The following CACNA1G variants were observed in gnomAD, a reference collection of about 807,000 sequenced individuals.
CACNA1G encodes the protein voltage-dependent T-type calcium channel subunit alpha-1G.
A neutral mutation model predicts 219.4 loss-of-function variants in CACNA1G; 67 were observed. The ratio of observed to expected loss-of-function variants is 0.31; its 90% confidence interval spans 0.25 to 0.37. The LOEUF is 0.37. CACNA1G is among the 10% of genes least tolerant of loss of function. The pLI, the probability that CACNA1G is intolerant of heterozygous loss-of-function variation, is 1.00. For synonymous variants in CACNA1G, 1,296 were observed against 1,345.3 expected (o/e 0.96, Z 0.80); for missense variants, 2,380 against 3,231.4 (o/e 0.74, Z 6.39).
rs748667667 is a variant in CACNA1G, at chr17:50,617,465, G to T, written c.5049G>T (p.Val1683=). ...GGAACCAGCTGGACCTGGCCATTGT[G>T]CTGCTGTCCATCATGGGCATCACGC... The part of the protein sequence containing the change: ...DRWNQLDLAI[V]LLSIMGITLE... The change falls in exon 29 of 38, where the codon GTG becomes GTT. Residue 1683 remains valine, a synonymous_variant. Transcript: ENST00000359106. This position sits in a 1 kb window ranked among gnomAD's most constrained non-coding sequence, Gnocchi z 5.8. The T allele has an allele frequency of 9.9e-6, 16 of 1,613,888 alleles. No homozygotes were observed. In the South Asian group the frequency reaches 1.6e-4, roughly 17 times the overall value.
chr17:50,588,418 G>A (rs1247403602), intron 9 of CACNA1G, among the ~76,000 whole-genome samples: 5 of 53,936 alleles, frequency 9.3e-5, no homozygotes, highest in Non-Finnish European at 1.0e-4. Context: ...AAAACACGGC[G>A]AGTGGCAGAG....
At position 50,561,292 on chromosome 17, in the gene CACNA1G, T is replaced by A. The variant is rs2035520384; in HGVS notation, c.-168T>A. 1.4e-6 allele frequency: 1 copy of A among 735,440 alleles called. No individual in the cohort carries two copies. The highest frequency in any genetic ancestry group is 2.1e-6 in the Non-Finnish European group (1 of 474,518). 45.6% of individuals were successfully genotyped at this position (735,440 alleles called of 1,614,324 possible). On this transcript the variant is annotated 5_prime_UTR_variant, in exon 1 of 38. Transcript: ENST00000359106. Reference sequence around the variant, plus strand: ...CGGCGCCCCGCGGGCAGCATGCCCCTGCGGGCAGGGGGAGCTGGGCTGAAC... The same window carrying A: ...CGGCGCCCCGCGGGCAGCATGCCCCAGCGGGCAGGGGGAGCTGGGCTGAAC...
At chr17:50,605,377 G>A (rs191159594) in intron 22 of CACNA1G, among the ~76,000 whole-genome samples, 70 of 152,224 alleles carry the variant, frequency 4.6e-4, no homozygotes, top group Non-Finnish European at 8.2e-4. Flanking sequence ...CTGAGCCTCC[G>A]TTGTTCTTAT....
intron 26 of CACNA1G, among the ~76,000 whole-genome samples, chr17:50,614,271 C>G (rs563991150): frequency 2.6e-4 from 40 of 152,358 alleles, no homozygotes; most frequent in African/African-American, 9.1e-4. Context: ...CCAGCTACCC[C>G]CTGGCTCAGG....
rs961655809 is a variant in CACNA1G at position 50,599,723 on chromosome 17, G to T, written c.3554G>T (p.Arg1185Leu). 2 of 1,613,418 alleles carry T rather than the reference G, an allele frequency of 1.2e-6. No individual in the cohort carries two copies. Among genetic ancestry groups the T allele is most frequent in the Non-Finnish European group, 1.7e-6 (2 of 1,179,780 alleles). ...PDTLQVPGLH[R>L]TASGRGSASE... ...ACACTGCAGGTGCCAGGGCTGCATC[G>T]CACTGCCAGTGGCCGAGGGTCTGCT... The change falls in exon 17 of 38, where the codon CGC (arginine) becomes CTC (leucine). Residue 1185 changes from arginine (R) to leucine (L), a missense_variant. Around this residue, in one of 17 missense-constraint regions of CACNA1G, gnomAD observed 418 missense variants for 434.3 expected, o/e 0.96. Coordinates refer to ENST00000359106, the MANE Select transcript of CACNA1G (RefSeq NM_018896.5).
chr17:50,596,460 G>C lies in CACNA1G; in HGVS notation c.2980-102G>C. Reference sequence around the variant, plus strand: ...TCGTGCCGTGGTTGCTGGTTCCTGTGGCCTATATGTGGTGTGCGTGTGTGA... The same window carrying C: ...TCGTGCCGTGGTTGCTGGTTCCTGTCGCCTATATGTGGTGTGCGTGTGTGA... On this transcript the variant is annotated intron_variant, in intron 14 of 37. Transcript: ENST00000359106. This position sits in a 1 kb window ranked among gnomAD's most constrained non-coding sequence, Gnocchi z 4.8. The C allele has an allele frequency of 1.1e-6, 1 of 907,352 alleles. No homozygotes were observed. The highest frequency in any genetic ancestry group is 1.8e-6 in the Non-Finnish European group (1 of 556,442). 56.2% of individuals were successfully genotyped at this position (907,352 alleles called of 1,614,324 possible). A position where few individuals can be genotyped will look rare whatever the true frequency, so the allele number is the denominator to read the frequency against.
intron 1 of CACNA1G, among the ~76,000 whole-genome samples, chr17:50,563,423 C>T (rs1169607637): frequency 6.6e-6 from 1 of 152,224 alleles, no homozygotes; most frequent in African/African-American, 2.4e-5. Context: ...TTCCGAGCAA[C>T]TCTCCTCTCT....
intron 23 of CACNA1G, chr17:50,606,255 G>T (rs906647316): frequency 5.5e-6 from 4 of 728,306 alleles, no homozygotes; most frequent in Non-Finnish European, 1.0e-5. Context: ...AGAAACAGAG[G>T]CTCAGAGAGG....
At position 50,596,760 on chromosome 17, in the gene CACNA1G, G is replaced by T; in HGVS notation, c.3095G>T (p.Arg1032Leu). ...TCCCTGGGAGAGCACCCGGAGCTGC[G>T]GAAGAGCCTGCTGCCGCCTCTCATC... ...LVSLGEHPEL[R>L]KSLLPPLIIH... is the part of the protein sequence containing the mutation. Residue 1032 changes from arginine to leucine, a missense_variant, in exon 16 of 38, where the codon CGG (arginine) becomes CTG (leucine). Arg to Leu is a moderately radical substitution (Grantham distance 102, BLOSUM62 -2). Around this residue, in one of 17 missense-constraint regions of CACNA1G, gnomAD observed 418 missense variants for 434.3 expected, o/e 0.96. Coordinates refer to ENST00000359106, the MANE Select transcript of CACNA1G (RefSeq NM_018896.5). This position sits in a 1 kb window ranked among gnomAD's most constrained non-coding sequence, Gnocchi z 4.8. The T allele has an allele frequency of 6.2e-7, 1 of 1,613,054 alleles. No homozygotes were observed. Among genetic ancestry groups the T allele is most frequent in the Non-Finnish European group, 8.5e-7 (1 of 1,179,798 alleles).
At chr17:50,579,721 C>G (rs2041518485) in intron 9 of CACNA1G, among the ~76,000 whole-genome samples, 1 of 152,136 alleles carries the variant, frequency 6.6e-6, no homozygotes, top group Non-Finnish European at 1.5e-5. Flanking sequence ...CCATGCACCT[C>G]CCCACCTCCG....
chr17:50,584,739 G>A (rs1249335743), intron 9 of CACNA1G, among the ~76,000 whole-genome samples: 2 of 143,252 alleles, frequency 1.4e-5, no homozygotes, highest in Non-Finnish European at 2.9e-5. Context: ...GAGGAGGGAC[G>A]TGGAGCCCCC....
At chr17:50,562,600 G>A (rs2036176984) in intron 1 of CACNA1G, among the ~76,000 whole-genome samples, 3 of 152,048 alleles carry the variant, frequency 2.0e-5, no homozygotes, top group Admixed American at 2.0e-4. Context: ...GTGGGGGATG[G>A]GGTTAAGCTG....
intron 16 of CACNA1G, among the ~76,000 whole-genome samples, chr17:50,597,156 G>A (rs2145683872): frequency 6.6e-6 from 1 of 152,256 alleles, no homozygotes; most frequent in Admixed American, 6.5e-5. Context: ...CTGTACCCTA[G>A]CTGAGTGACC....
At chr17:50,623,281 T>A (rs1185517141) in intron 35 of CACNA1G, among the ~76,000 whole-genome samples, 1 of 141,314 alleles carries the variant, frequency 7.1e-6, no homozygotes, top group African/African-American at 2.6e-5. Flanking sequence ...TTTTTTTTTT[T>A]TTTTTTTTTT....
At position 50,621,595 on chromosome 17, in the gene CACNA1G, T is replaced by C. The variant is rs1432924507; in HGVS notation, c.5926-65T>C. 21 of 1,563,214 alleles carry C rather than the reference T, an allele frequency of 1.3e-5. No homozygotes were observed. The highest frequency in any genetic ancestry group is 2.3e-5 in the East Asian group (1 of 44,298). On this transcript the variant is annotated intron_variant, in intron 34 of 37. Transcript: ENST00000359106. The surrounding 1 kb of genome is among the most constrained non-coding windows in gnomAD (Gnocchi z 4.6). ...TGGGGACTGAGAGAGAGCGCGTGTG[T>C]GCGTGTGCACGCGCGTGTGCGCTGT... is the stretch of plus-strand genomic sequence containing the variant.
At position 50,578,178 on chromosome 17, in the gene CACNA1G, C is replaced by T. The variant is rs139447235; in HGVS notation, c.1925-10C>T. 2.2e-3 allele frequency: 3,452 copies of T among 1,556,158 alleles called. 15 individuals are homozygous for T. Among genetic ancestry groups the T allele is most frequent in the Non-Finnish European group, 2.4e-3 (2,802 of 1,150,844 alleles). On this transcript the variant is annotated splice_polypyrimidine_tract_variant and intron_variant, in intron 8 of 37. Coordinates refer to ENST00000359106, the MANE Select transcript of CACNA1G (RefSeq NM_018896.5). The surrounding 1 kb of genome is among the most constrained non-coding windows in gnomAD (Gnocchi z 4.5). ...CTCTGGAGCCTCTCACCTCTACTCTCCTGTTCCAGGTGCCTGCCAAAGCTC... is the reference window on the plus strand; with the variant it reads ...CTCTGGAGCCTCTCACCTCTACTCTTCTGTTCCAGGTGCCTGCCAAAGCTC...
rs376092229 is a variant in CACNA1G at position 50,615,428 on chromosome 17, C to A, written c.4827C>A (p.Thr1609=). 1 of 1,613,330 alleles carries A rather than the reference C, an allele frequency of 6.2e-7. No individual in the cohort carries two copies. The highest frequency in any genetic ancestry group is 1.3e-5 in the African/African-American group (1 of 74,922). ...GGCTCCTCGTCCACCACTTGTGCAC[C>A]AGCCACTACCTGGACCTCTTCATCA... The part of the protein sequence containing the change: ...RFRLLVHHLC[T]SHYLDLFITG... Residue 1609 remains threonine (T), a synonymous_variant, in exon 27 of 38, where the codon ACC becomes ACA. Coordinates refer to ENST00000359106, the MANE Select transcript of CACNA1G (RefSeq NM_018896.5).
rs544216783 is a variant in CACNA1G at position 50,596,527 on chromosome 17, C to T, written c.2980-35C>T. 23 of 1,588,742 alleles carry T rather than the reference C, an allele frequency of 1.4e-5. No homozygotes were observed. Among genetic ancestry groups the T allele is most frequent in the African/African-American group, 5.4e-5 (4 of 74,538 alleles). ...TCCATCCCAACCACCCAAGCCTGGC[C>T]GGATCCCTAATGGTCCGCTGCTCCC... On this transcript the variant is annotated intron_variant, in intron 14 of 37. Coordinates refer to ENST00000359106, the MANE Select transcript of CACNA1G (RefSeq NM_018896.5). The surrounding 1 kb of genome is among the most constrained non-coding windows in gnomAD (Gnocchi z 4.8).
chr17:50,573,413 G>A lies in CACNA1G; in HGVS notation c.1140+300G>A, dbSNP rs913691726. ...AAATGAATGGTTCTCAACCTGAGAT[G>A]ATACCACCTCTCCCAGAGGGCATTT... On this transcript the variant is annotated intron_variant, in intron 7 of 37. Coordinates refer to ENST00000359106, the MANE Select transcript of CACNA1G (RefSeq NM_018896.5). The A allele has an allele frequency of 1.4e-5, 4 of 286,052 alleles. No homozygotes were observed. The Admixed American group carries it at 1.9e-4, about 14-fold the overall frequency. The allele number at this position is 286,052 out of a possible 1,614,324, so 17.7% of individuals were successfully genotyped here. A position where few individuals can be genotyped will look rare whatever the true frequency, so the allele number is the denominator to read the frequency against.
Sources: gnomAD v4.1 joint callset for allele counts (sites outside exome capture counted in the v4.1 genomes callset) on GRCh38, gnomAD v4.1.1 for gene constraint, gnomAD v4.1.1 regional missense constraint, Gnocchi (gnomAD v3.1) non-coding constraint, MANE v1.5 for transcripts, NCBI Gene and HGNC (gene_info 2026-07-23, HGNC 2026-07-21) for gene names.